The following NRTN variants were observed in gnomAD, a reference collection of about 807,000 sequenced individuals.
NRTN encodes the protein prepro-neurturin.
In NRTN, 3 loss-of-function variants were observed where a neutral mutation model predicts 7.5. The observed-to-expected ratio is 0.40, with a 90% CI of 0.18 to 1.03. The LOEUF is 1.03. Ranked by LOEUF, NRTN falls within the 50% of genes least tolerant of loss-of-function variation. The probability of loss-of-function intolerance (pLI) is 0.34; values close to 1 mark genes in which losing one functional copy is unlikely to be tolerated. For synonymous variants in NRTN, 157 were observed against 146.6 expected (o/e 1.07, Z -0.51); for missense variants, 310 against 307.0 (o/e 1.01, Z -0.07).
At position 5,806,039 on chromosome 19, in the gene NRTN, T is replaced by G. The variant is rs2056974394; in HGVS notation, c.-399+588T>G. On this transcript the variant is annotated intron_variant, in intron 1 of 2. Transcript: ENST00000303212. This position sits in a 1 kb window ranked among gnomAD's most constrained non-coding sequence, Gnocchi z 5.4. Reference sequence around the variant, plus strand: ...TCAGCCACCAGAGGGCGTGAAACCCTTTGGTGTTGGGGGTGGGGGTCCCTT... The same window carrying G: ...TCAGCCACCAGAGGGCGTGAAACCCGTTGGTGTTGGGGGTGGGGGTCCCTT... Among the ~76,000 whole-genome samples, 1 of 151,944 alleles carries G rather than the reference T, an allele frequency of 6.6e-6. No individual in the cohort carries two copies. The highest frequency in any genetic ancestry group is 2.4e-5 in the African/African-American group (1 of 41,398).
At chr19:5,820,751 A>AAAAAAAAAAAAAAAAAAAAC (rs2057021986) in intron 1 of NRTN, among the ~76,000 whole-genome samples, 1 of 146,532 alleles carries the variant, frequency 6.8e-6, no homozygotes, top group Admixed American at 6.8e-5. Flanking sequence ...AAAAAAAAAA[A>AAAAAAAAAAAAAAAAAAAAC]AAAAAAAAAA....
In NRTN at chr19:5,827,877, G is replaced by A; in HGVS notation, c.298G>A (p.Ala100Thr). The change falls in exon 3 of 3, where the codon GCG (alanine) becomes ACG (threonine). Residue 100 changes from alanine (A) to threonine (T), a missense_variant. Coordinates refer to ENST00000303212, the MANE Select transcript of NRTN (RefSeq NM_004558.5). Reference sequence around the variant, plus strand: ...GCGGCGCGCGCGTGCGCGGTTGGGGGCGCGGCCTTGCGGGCTGCGCGAGCT... The same window carrying A: ...GCGGCGCGCGCGTGCGCGGTTGGGGACGCGGCCTTGCGGGCTGCGCGAGCT... ...RRRRARARLG[A>T]RPCGLRELEV... is the part of the protein sequence containing the mutation. 2 of 1,304,488 alleles carry A rather than the reference G, an allele frequency of 1.5e-6. No individual in the cohort carries two copies. Among genetic ancestry groups the A allele is most frequent in the Non-Finnish European group, 2.0e-6 (2 of 1,024,056 alleles). The allele number at this position is 1,304,488 out of a possible 1,614,324, so 80.8% of individuals were successfully genotyped here.
chr19:5,815,024 CG>C (rs1158510044), intron 1 of NRTN, among the ~76,000 whole-genome samples: 1 of 152,232 alleles, frequency 6.6e-6, no homozygotes, highest in Non-Finnish European at 1.5e-5. Context: ...GTGGTCAGGG[CG>C]GGGCCGTTCC....
rs1412175648 is a variant in NRTN, at chr19:5,824,159, G to A, written c.-7G>A. The A allele has an allele frequency of 6.2e-7, 1 of 1,606,200 alleles. No homozygotes were observed. The highest frequency in any genetic ancestry group is 8.5e-7 in the Non-Finnish European group (1 of 1,179,854). Reference sequence around the variant, plus strand: ...GCGGCTGACCATCCCGTGCCCGCAGGCTGAGGATGCAGCGCTGGAAGGCGG... The same window carrying A: ...GCGGCTGACCATCCCGTGCCCGCAGACTGAGGATGCAGCGCTGGAAGGCGG... On this transcript the variant is annotated 5_prime_UTR_variant, in exon 2 of 3. Coordinates refer to ENST00000303212, the MANE Select transcript of NRTN (RefSeq NM_004558.5).
At chr19:5,815,580 C>T (rs2057002762) in intron 1 of NRTN, among the ~76,000 whole-genome samples, 2 of 151,554 alleles carry the variant, frequency 1.3e-5, no homozygotes, top group South Asian at 2.1e-4. Context: ...GGATTACAGG[C>T]GTGCACTACC....
chr19:5,813,680 GAA>G (rs557383692), intron 1 of NRTN, among the ~76,000 whole-genome samples: 6,380 of 117,170 alleles, frequency 0.054, 489 homozygotes, highest in African/African-American at 0.18. Flanking sequence ...GACTCCGTCT[GAA>G]AAAAAAAAAA....
chr19:5,825,095 A>T (rs1323421382), intron 2 of NRTN, among the ~76,000 whole-genome samples: 1 of 152,086 alleles, frequency 6.6e-6, no homozygotes, highest in African/African-American at 2.4e-5. Flanking sequence ...AGCAGGAGCT[A>T]AAAACCGGAA....
intron 1 of NRTN, among the ~76,000 whole-genome samples, chr19:5,821,033 C>G (rs1235801735): frequency 2.0e-5 from 3 of 152,210 alleles, no homozygotes; most frequent in Admixed American, 6.5e-5. Context: ...ACACCTGCCC[C>G]CAGATTCTCC....
intron 1 of NRTN, among the ~76,000 whole-genome samples, chr19:5,819,622 C>T (rs1488716589): frequency 6.6e-6 from 1 of 151,404 alleles, no homozygotes; most frequent in African/African-American, 2.4e-5. Context: ...GAGATCATGT[C>T]ATTGCACTCC....
At chr19:5,813,200 CT>C (rs1373771196) in intron 1 of NRTN, among the ~76,000 whole-genome samples, 2 of 151,174 alleles carry the variant, frequency 1.3e-5, no homozygotes, top group African/African-American at 4.9e-5. Context: ...CATGGCGAGA[CT>C]TTGTCTCTAT....
chr19:5,816,014 G>A (rs2057004201), intron 1 of NRTN, among the ~76,000 whole-genome samples: 1 of 152,122 alleles, frequency 6.6e-6, no homozygotes, highest in African/African-American at 2.4e-5. Flanking sequence ...CGAAGTGCTG[G>A]GATTACAGGC....
intron 1 of NRTN, among the ~76,000 whole-genome samples, chr19:5,811,806 C>T (rs1219527444): frequency 6.6e-6 from 1 of 151,988 alleles, no homozygotes; most frequent in Admixed American, 6.6e-5. Context: ...CTGCCTTGGC[C>T]TCCCAAAGTG....
chr19:5,814,729 T>TTAGA (rs2056999908), intron 1 of NRTN, among the ~76,000 whole-genome samples: 1 of 152,240 alleles, frequency 6.6e-6, no homozygotes, highest in Non-Finnish European at 1.5e-5. Flanking sequence ...GGCTGCTCTT[T>TTAGA]GCCTCTCTCT....
At chr19:5,818,597 A>G (rs1235049736) in intron 1 of NRTN, among the ~76,000 whole-genome samples, 1 of 151,962 alleles carries the variant, frequency 6.6e-6, no homozygotes, top group Non-Finnish European at 1.5e-5. Flanking sequence ...GGCACAGATG[A>G]TAACCTGAGC....
At chr19:5,826,857 G>A (rs2144769868) in intron 2 of NRTN, among the ~76,000 whole-genome samples, 1 of 152,302 alleles carries the variant, frequency 6.6e-6, no homozygotes, top group African/African-American at 2.4e-5. Flanking sequence ...GGCTGGACCT[G>A]GGCCAAACTT....
chr19:5,827,523 G>A (rs1162091445), intron 2 of NRTN, among the ~76,000 whole-genome samples: 1 of 152,042 alleles, frequency 6.6e-6, no homozygotes, highest in Admixed American at 6.5e-5. Context: ...TTGGACCAGC[G>A]TAGGGGTGTG....
Position 5,824,058 on chromosome 19 carries a change from C to T in NRTN, c.-108C>T. 1 of 1,422,516 alleles carries T rather than the reference C, an allele frequency of 7.0e-7. No homozygotes were observed. The highest frequency in any genetic ancestry group is 9.8e-7 in the Non-Finnish European group (1 of 1,024,376). The allele number at this position is 1,422,516 out of a possible 1,614,324, so 88.1% of individuals were successfully genotyped here. Reference sequence around the variant, plus strand: ...GATTATCGACCATTCGGCAGGCGTTCAAAGTCAAAGGCCCCACACTGAGTC... The same window carrying T: ...GATTATCGACCATTCGGCAGGCGTTTAAAGTCAAAGGCCCCACACTGAGTC... On this transcript the variant is annotated 5_prime_UTR_variant, in exon 2 of 3. Coordinates refer to ENST00000303212, the MANE Select transcript of NRTN (RefSeq NM_004558.5).
At chr19:5,815,643 C>T (rs2057002936) in intron 1 of NRTN, among the ~76,000 whole-genome samples, 1 of 151,780 alleles carries the variant, frequency 6.6e-6, no homozygotes, top group African/African-American at 2.4e-5. Context: ...GCCATGTTGG[C>T]CAGGCTGGTC....
chr19:5,828,002 C>T lies in NRTN; in HGVS notation c.423C>T (p.Tyr141=), dbSNP rs1038355359. 7 of 1,447,462 alleles carry T rather than the reference C, an allele frequency of 4.8e-6. No homozygotes were observed. Among genetic ancestry groups the T allele is most frequent in the African/African-American group, 1.5e-5 (1 of 67,722 alleles). 89.7% of individuals were successfully genotyped at this position (1,447,462 alleles called of 1,614,324 possible). A position where few individuals can be genotyped will look rare whatever the true frequency, so the allele number is the denominator to read the frequency against. ...CCTGCGAGGCTGCCGCGCGCGTCTA[C>T]GACCTCGGGCTGCGACGACTGCGCC... is the stretch of plus-strand genomic sequence containing the variant. The part of the protein sequence containing the change: ...AGACEAAARV[Y]DLGLRRLRQR... Residue 141 remains tyrosine (Y), a synonymous_variant, in exon 3 of 3, where the codon TAC becomes TAT. Coordinates refer to ENST00000303212, the MANE Select transcript of NRTN (RefSeq NM_004558.5).
Sources: gnomAD v4.1 joint callset for allele counts (sites outside exome capture counted in the v4.1 genomes callset) on GRCh38, gnomAD v4.1.1 for gene constraint, Gnocchi (gnomAD v3.1) non-coding constraint, MANE v1.5 for transcripts, NCBI Gene and HGNC (gene_info 2026-07-23, HGNC 2026-07-21) for gene names.